The following FAM114A1 variants were observed in gnomAD, a reference collection of about 807,000 sequenced individuals.
FAM114A1 encodes family with sequence similarity 114 member A1, also known as protein NOXP20.
In FAM114A1, 62 loss-of-function variants were observed where a neutral mutation model predicts 64.3. The ratio of observed to expected loss-of-function variants is 0.96; its 90% CI spans 0.79 to 1.19. FAM114A1 has a LOEUF of 1.19. Among genes scored for constraint, FAM114A1 ranks in the 50% most tolerant of loss-of-function variants. The pLI is 0.00. For synonymous variants in FAM114A1, 254 were observed against 251.1 expected (o/e 1.01, Z -0.11); for missense variants, 645 against 676.3 (o/e 0.95, Z 0.51).
At chr4:38,932,185 A>G in intron 11 of FAM114A1, 50 bp from the exon 12 acceptor site, 1 of 1,548,194 alleles carries the variant, frequency 6.5e-7, no homozygotes. Context: ...ATTTTTTTAA[A>G]AAAGCATCTG....
At chr4:38,883,272 G>T (rs977112816) in intron 3 of FAM114A1, among the ~76,000 whole-genome samples, 8 of 152,160 alleles carry the variant, frequency 5.3e-5, no homozygotes, top group African/African-American at 1.9e-4. Context: ...AGGCACAAGG[G>T]AGGCTTTAGA....
At chr4:38,874,075 T>G (rs55860365) in intron 2 of FAM114A1, among the ~76,000 whole-genome samples, 41,722 of 152,058 alleles carry the variant, frequency 0.27, 6,096 homozygotes, top group African/African-American at 0.31. Context: ...GGCCACTGAC[T>G]GAATGTAAGA....
At chr4:38,933,880 T>A (rs538105808) in intron 12 of FAM114A1, among the ~76,000 whole-genome samples, 1 of 152,298 alleles carries the variant, frequency 6.6e-6, no homozygotes, top group South Asian at 2.1e-4. Flanking sequence ...ACATTGTCGG[T>A]TGGGGAGTAA....
Position 38,923,379 on chromosome 4 carries a change from C to T in FAM114A1, c.1069+486C>T, listed in dbSNP as rs182438059. On this transcript the variant is annotated intron_variant, in intron 9 of 14. Coordinates refer to ENST00000358869, the MANE Select transcript of FAM114A1 (RefSeq NM_138389.4). ...GCTGGGATACAGGCGCTTGCCACCA[C>T]GCCCAGCTAATTTTTGTATTTTTAG... Among the ~76,000 whole-genome samples, 12 of 152,018 alleles carry T rather than the reference C, an allele frequency of 7.9e-5. No individual in the cohort carries two copies. In the East Asian group the frequency reaches 1.7e-3, roughly 22 times the overall value.
At chr4:38,940,184 C>A (rs1450722831) in intron 13 of FAM114A1, among the ~76,000 whole-genome samples, 1 of 152,146 alleles carries the variant, frequency 6.6e-6, no homozygotes, top group East Asian at 1.9e-4. Context: ...AGCCACCACA[C>A]CTGGCCTGCC....
intron 2 of FAM114A1, among the ~76,000 whole-genome samples, chr4:38,869,104 G>T (rs1339643559): frequency 6.6e-6 from 1 of 152,258 alleles, no homozygotes; most frequent in Non-Finnish European, 1.5e-5. Flanking sequence ...CAAACACAAT[G>T]TATTTCAATT....
chr4:38,933,253 T>C (rs573287868), intron 12 of FAM114A1, among the ~76,000 whole-genome samples: 91 of 152,328 alleles, frequency 6.0e-4, no homozygotes, highest in Middle Eastern at 3.4e-3. Flanking sequence ...GAAAACACAC[T>C]AAATCATTGC....
intron 4 of FAM114A1, among the ~76,000 whole-genome samples, chr4:38,893,388 T>C (rs1716582338): frequency 6.6e-6 from 1 of 152,282 alleles, no homozygotes; most frequent in African/African-American, 2.4e-5. Flanking sequence ...GTGTCCTGGA[T>C]GTTTCCAGTT....
At chr4:38,908,542 G>C in intron 6 of FAM114A1, 50 bp from the exon 7 acceptor site, 1 of 1,509,962 alleles carries the variant, frequency 6.6e-7, no homozygotes, top group Non-Finnish European at 9.0e-7. Context: ...TGACTGCTGC[G>C]AAACAGCAAA....
intron 12 of FAM114A1, 44 bp from the exon 13 acceptor site, chr4:38,935,674 A>C (rs1721017192): frequency 7.3e-7 from 1 of 1,377,564 alleles, no homozygotes; most frequent in African/African-American, 1.5e-5. Context: ...AAATTATTTT[A>C]CCTTATTGAA....
chr4:38,926,186 C>T (rs1355141051), intron 9 of FAM114A1, among the ~76,000 whole-genome samples: 1 of 152,242 alleles, frequency 6.6e-6, no homozygotes, highest in South Asian at 2.1e-4. Flanking sequence ...TGACTGGCCC[C>T]AGGCCACAGA....
Position 38,945,687 on chromosome 4 carries a change from G to A in FAM114A1, c.*2130G>A, listed in dbSNP as rs534951006. 5 of 152,076 alleles carry A rather than the reference G, an allele frequency of 3.3e-5. No individual in the cohort carries two copies. Among genetic ancestry groups the A allele is most frequent in the African/African-American group, 1.2e-4 (5 of 41,392 alleles). 9.4% of individuals were successfully genotyped at this position (152,076 alleles called of 1,614,324 possible). A position where few individuals can be genotyped will look rare whatever the true frequency, so the allele number is the denominator to read the frequency against. ...AATAGAGAACATAAGAACACTTTAT[G>A]TACAATCTGGAAAAAAATTACCTGA... On this transcript the variant is annotated 3_prime_UTR_variant, in exon 15 of 15. Coordinates refer to ENST00000358869, the MANE Select transcript of FAM114A1 (RefSeq NM_138389.4).
chr4:38,935,609 G>A, intron 12 of FAM114A1, 109 bp from the exon 13 acceptor site: 1 of 701,670 alleles, frequency 1.4e-6, no homozygotes, highest in Non-Finnish European at 2.3e-6. Context: ...TCAAGCATGT[G>A]TGGCATTCTT....
chr4:38,904,814 C>T (rs980178082), intron 4 of FAM114A1, among the ~76,000 whole-genome samples: 1 of 152,138 alleles, frequency 6.6e-6, no homozygotes, highest in Non-Finnish European at 1.5e-5. Context: ...AAGGAGCTTA[C>T]AAAAGAGTAA....
At chr4:38,938,761 CCT>C (rs577017627) in intron 13 of FAM114A1, 36 of 152,278 alleles carry the variant, frequency 2.4e-4, no homozygotes, top group African/African-American at 8.2e-4. Flanking sequence ...TTCACTCAAG[CCT>C]CTCAGTAGAT....
chr4:38,938,590 A>G (rs1721301613), intron 13 of FAM114A1: 1 of 152,214 alleles, frequency 6.6e-6, no homozygotes, highest in African/African-American at 2.4e-5. Context: ...CCTGATATCC[A>G]TGGACTTTGA....
rs1443129074 is a variant in FAM114A1, at chr4:38,944,703, T to G, written c.*1146T>G. ...TCTCATGGGAGTGCGAACCCTGTTG[T>G]GAACTGCACATGCGAGGGATCTAGG... is the stretch of plus-strand genomic sequence containing the variant. On this transcript the variant is annotated 3_prime_UTR_variant, in exon 15 of 15. Coordinates refer to ENST00000358869, the MANE Select transcript of FAM114A1 (RefSeq NM_138389.4). 6.6e-6 allele frequency: 1 copy of G among 152,224 alleles called. No homozygotes were observed. Among genetic ancestry groups the G allele is most frequent in the East Asian group, 1.9e-4 (1 of 5,196 alleles). 9.4% of individuals were successfully genotyped at this position (152,224 alleles called of 1,614,324 possible).
intron 1 of FAM114A1, chr4:38,868,102 C>A: frequency 6.5e-6 from 2 of 309,354 alleles, no homozygotes; most frequent in Admixed American, 3.4e-5. Context: ...CACGCTCATG[C>A]ACACACCCAC....
intron 8 of FAM114A1, among the ~76,000 whole-genome samples, chr4:38,919,951 G>A (rs1719431802): frequency 6.6e-6 from 1 of 152,210 alleles, no homozygotes; most frequent in African/African-American, 2.4e-5. Context: ...TGGCACACCT[G>A]TAATCCCAGC....
Sources: allele counts gnomAD v4.1 joint callset (sites outside exome capture counted in the v4.1 genomes callset), GRCh38; gene constraint gnomAD v4.1.1; transcripts MANE v1.5; gene names NCBI Gene and HGNC (gene_info 2026-07-23, HGNC 2026-07-21).